PER3: variants seen among roughly 807,000 people sequenced by gnomAD.
PER3 encodes the protein period circadian regulator 3.
A neutral mutation model predicts 127.2 loss-of-function variants in PER3; 107 were observed. That is an observed-to-expected ratio of 0.84 (90% CI 0.72 to 0.99). The LOEUF (loss-of-function observed/expected upper bound fraction) is 0.99, where lower values mean the gene tolerates loss of function less well. PER3 is among the 50% of genes least tolerant of loss of function. The probability of loss-of-function intolerance (pLI) is 0.00; values close to 1 mark genes in which losing one functional copy is unlikely to be tolerated. For synonymous variants in PER3, 618 were observed against 585.8 expected, an observed-to-expected ratio of 1.05 and a Z score of -0.79; for missense variants, 1,560 against 1,525.8, an observed-to-expected ratio of 1.02 and a Z score of -0.37.
chr1:7,790,488 A>T (rs2097114152), intron 5 of PER3, among the ~76,000 whole-genome samples: 1 of 152,188 alleles, frequency 6.6e-6, no homozygotes, highest in South Asian at 2.1e-4. Context: ...ACACATGGGG[A>T]TTATGGGAAC....
chr1:7,827,808 CTGAGT>C lies in PER3; in HGVS notation c.2880_2884del (p.Glu961SerfsTer10). The C allele has an allele frequency of 6.2e-7, 1 of 1,607,904 alleles. No homozygotes were observed. Among genetic ancestry groups the C allele is most frequent in the South Asian group, 1.1e-5 (1 of 90,758 alleles). ...ATGAGAAGGAACACGTGCCCACAAACTGAGTATGTAAGTGATGCTCATTTTCAACA... is the reference window on the plus strand; with the variant it reads ...ATGAGAAGGAACACGTGCCCACAAACATGTAAGTGATGCTCATTTTCAACA... On this transcript the variant is annotated frameshift_variant and splice_region_variant, in exon 18 of 22. Coordinates refer to ENST00000377532, the MANE Select transcript of PER3 (RefSeq NM_001377275.1). LOFTEE classifies it high-confidence loss of function.
At position 7,827,164 on chromosome 1, in the gene PER3, G is replaced by C. The variant is rs1216149034; in HGVS notation, c.2235G>C (p.Gly745=). Reference sequence around the variant, plus strand: ...CGCGGTCGGCCGGCTGCAGGAAAGGGAAGCACAAGCGGAAGAAGCTGCCGG... The same window carrying C: ...CGCGGTCGGCCGGCTGCAGGAAAGGCAAGCACAAGCGGAAGAAGCTGCCGG... ...KQTRSAGCRK[G]KHKRKKLPEP... is the part of the protein sequence containing the mutation. The change falls in exon 18 of 22, where the codon GGG becomes GGC. Residue 745 remains glycine (G), a synonymous_variant. Transcript: ENST00000377532. The C allele has an allele frequency of 1.2e-5, 20 of 1,611,744 alleles. No individual in the cohort carries two copies. Among genetic ancestry groups the C allele is most frequent in the Non-Finnish European group, 1.7e-5 (20 of 1,179,178 alleles).
chr1:7,788,642 G>T, intron 5 of PER3: 1 of 193,520 alleles, frequency 5.2e-6, no homozygotes. Flanking sequence ...GGTGGCTCAC[G>T]CCTGTAATCC....
At position 7,803,077 on chromosome 1, in the gene PER3, GGACCT is replaced by G; in HGVS notation, c.906_910del (p.Leu303TrpfsTer11). 6.2e-7 allele frequency: 1 copy of G among 1,612,948 alleles called. No individual in the cohort carries two copies. The highest frequency in any genetic ancestry group is 8.5e-7 in the Non-Finnish European group (1 of 1,178,996). ...TGCCTTTGCTGGGTTACCTACCTCA[GGACCT>G]GATTGGAACATCGATCCTAAGCTAC... On this transcript the variant is annotated frameshift_variant, in exon 9 of 22. Transcript: ENST00000377532. LOFTEE classifies it high-confidence loss of function.
In PER3 at chr1:7,802,567, G is replaced by A. The variant is rs112280073; in HGVS notation, c.873-480G>A. Reference sequence around the variant, plus strand: ...GGCGTGAGCCACCGTGCCTGGCCTAGGTGACATTGTTTTTATGTAATTTTA... The same window carrying A: ...GGCGTGAGCCACCGTGCCTGGCCTAAGTGACATTGTTTTTATGTAATTTTA... On this transcript the variant is annotated intron_variant, in intron 8 of 21. Coordinates refer to ENST00000377532, the MANE Select transcript of PER3 (RefSeq NM_001377275.1). Among the ~76,000 whole-genome samples the A allele has an allele frequency of 8.0e-3, 1,217 of 152,186 alleles. 17 individuals carry two copies. The highest frequency in any genetic ancestry group is 0.027 in the African/African-American group (1,116 of 41,540).
chr1:7,841,964 A>G (rs1410882175), intron 21 of PER3, among the ~76,000 whole-genome samples: 1 of 152,156 alleles, frequency 6.6e-6, no homozygotes, highest in East Asian at 1.9e-4. Flanking sequence ...GCTTGCTACA[A>G]TCACTCCTAG....
Position 7,830,070 on chromosome 1 carries a change from C to T in PER3, c.3123C>T (p.Pro1041=). The change falls in exon 19 of 22, where the codon CCC becomes CCT. Residue 1041 remains proline (P), a synonymous_variant. Transcript: ENST00000377532. ...TASTLSMGLP[P]SRTPSHPTAT... ...GCACACTGTCCATGGGATTGCCTCC[C>T]AGCAGGACTCCATCCCATCCTACTG... 1 of 1,612,206 alleles carries T rather than the reference C, an allele frequency of 6.2e-7. No individual in the cohort carries two copies. Among genetic ancestry groups the T allele is most frequent in the Non-Finnish European group, 8.5e-7 (1 of 1,179,100 alleles).
At chr1:7,802,749 C>T (rs748278121) in intron 8 of PER3, among the ~76,000 whole-genome samples, 1 of 152,146 alleles carries the variant, frequency 6.6e-6, no homozygotes. Flanking sequence ...AAGACAGATG[C>T]CTGGTCTTAT....
At chr1:7,786,138 CCAGCTATT>C (rs1030064195) in intron 3 of PER3, among the ~76,000 whole-genome samples, 9 of 152,164 alleles carry the variant, frequency 5.9e-5, no homozygotes, top group Admixed American at 6.5e-5. Flanking sequence ...CGCCTGTAGT[CCAGCTATT>C]CGGGAGGCTG....
chr1:7,830,112 G>C lies in PER3; in HGVS notation c.3165G>C (p.Thr1055=), dbSNP rs75338263. The C allele has an allele frequency of 6.2e-7, 1 of 1,614,034 alleles. No individual in the cohort carries two copies. Among genetic ancestry groups the C allele is most frequent in the East Asian group, 2.2e-5 (1 of 44,878 alleles). Residue 1055 remains threonine, a synonymous_variant, in exon 19 of 22, where the codon ACG becomes ACC. Coordinates refer to ENST00000377532, the MANE Select transcript of PER3 (RefSeq NM_001377275.1). ...PSHPTATVLS[T]GSPPSESPSR... The stretch of plus-strand genomic sequence containing the variant: ...ATCCTACTGCCACTGTTCTGTCCAC[G>C]GGGTCACCTCCCAGCGAATCCCCAT...
At chr1:7,786,924 C>A in intron 4 of PER3, 88 bp downstream of exon 4, 1 of 760,380 alleles carries the variant, frequency 1.3e-6, no homozygotes, top group South Asian at 1.5e-5. Flanking sequence ...AGGATAACAA[C>A]GTTTCAGCAA....
At position 7,790,469 on chromosome 1, in the gene PER3, C is replaced by T. The variant is rs533161387; in HGVS notation, c.592+2223C>T. 3.2e-4 allele frequency among the ~76,000 whole-genome samples: 49 copies of T among 152,252 alleles called. 1 individual carries two copies. The South Asian group carries it at 7.9e-3, about 24-fold the overall frequency. ...TGATTCAATTACCTCCCTCCGGGTTCCTCCCACCACACATGGGGATTATGG... is the reference window on the plus strand; with the variant it reads ...TGATTCAATTACCTCCCTCCGGGTTTCTCCCACCACACATGGGGATTATGG... On this transcript the variant is annotated intron_variant, in intron 5 of 21. Coordinates refer to ENST00000377532, the MANE Select transcript of PER3 (RefSeq NM_001377275.1).
At chr1:7,817,888 T>TTG (rs1215546856) in intron 13 of PER3, among the ~76,000 whole-genome samples, 1 of 152,212 alleles carries the variant, frequency 6.6e-6, no homozygotes, top group African/African-American at 2.4e-5. Flanking sequence ...ATTTATTACA[T>TTG]TGTAAAATAG....
In PER3 at chr1:7,843,369, A is replaced by G. The variant is rs909242771; in HGVS notation, c.*614A>G. On this transcript the variant is annotated 3_prime_UTR_variant, in exon 22 of 22. Transcript: ENST00000377532. ...CTTCATCCTTGTAGATCCCTTTCCT[A>G]TTGATTTCCCACCTTCCAGTGAAAT... is the stretch of plus-strand genomic sequence containing the variant. 6.6e-6 allele frequency: 1 copy of G among 152,536 alleles called. No homozygotes were observed. The highest frequency in any genetic ancestry group is 2.4e-5 in the African/African-American group (1 of 41,408). The allele number at this position is 152,536 out of a possible 1,614,324, so 9.4% of individuals were successfully genotyped here.
chr1:7,832,047 A>C (rs530030823), intron 19 of PER3, among the ~76,000 whole-genome samples: 1 of 152,102 alleles, frequency 6.6e-6, no homozygotes, highest in African/African-American at 2.4e-5. Context: ...TTTAACAACA[A>C]ATTTAAATAT....
At chr1:7,790,327 A>G (rs2097113379) in intron 5 of PER3, among the ~76,000 whole-genome samples, 1 of 152,172 alleles carries the variant, frequency 6.6e-6, no homozygotes, top group Non-Finnish European at 1.5e-5. Context: ...GTCTTTCTAC[A>G]CATGATGGCA....
intron 10 of PER3, among the ~76,000 whole-genome samples, chr1:7,805,832 T>C (rs1393613170): frequency 6.6e-6 from 1 of 152,318 alleles, no homozygotes; most frequent in East Asian, 1.9e-4. Context: ...TTCAGTTCTT[T>C]GATGAAATAT....
At position 7,826,445 on chromosome 1, in the gene PER3, G is replaced by T; in HGVS notation, c.1958-35G>T. 1 of 1,115,586 alleles carries T rather than the reference G, an allele frequency of 9.0e-7. No homozygotes were observed. 69.1% of individuals were successfully genotyped at this position (1,115,586 alleles called of 1,614,324 possible). ...GTAAAATAAATACAAATAATTGATA[G>T]GAATTAAAATTAAATATGTCTTCTT... On this transcript the variant is annotated intron_variant, in intron 16 of 21. Transcript: ENST00000377532. The surrounding 1 kb of genome is among the most constrained non-coding windows in gnomAD (Gnocchi z 4.2).
intron 4 of PER3, 102 bp downstream of exon 4, chr1:7,786,938 C>G (rs1488019154): frequency 1.4e-6 from 1 of 706,782 alleles, no homozygotes; most frequent in South Asian, 1.7e-5. Flanking sequence ...TCAGCAACCA[C>G]AATTTGAGAG....
Sources: allele counts gnomAD v4.1 joint callset (sites outside exome capture counted in the v4.1 genomes callset), GRCh38; gene constraint gnomAD v4.1.1; non-coding constraint Gnocchi (gnomAD v3.1); transcripts MANE v1.5; gene names NCBI Gene and HGNC (gene_info 2026-07-23, HGNC 2026-07-21).